DGKB: variants seen among roughly 807,000 people sequenced by gnomAD.
DGKB encodes the protein 90 kDa diacylglycerol kinase.
Under a neutral mutation model 114.3 loss-of-function variants are expected in DGKB, and 67 were observed. That is an observed-to-expected ratio of 0.59 (90% CI 0.48 to 0.72). DGKB has a LOEUF of 0.72. Among genes scored for constraint, DGKB ranks in the 30% least tolerant of loss-of-function variants. The probability of loss-of-function intolerance (pLI) is 0.00; values close to 1 mark genes in which losing one functional copy is unlikely to be tolerated. For missense variants in DGKB, 907 were observed against 975.2 expected (o/e 0.93, Z 0.93); for synonymous variants, 398 against 323.1 (o/e 1.23, Z -2.49).
At chr7:14,740,642 A>G (rs992482692) in intron 4 of DGKB, among the ~76,000 whole-genome samples, 2 of 152,166 alleles carry the variant, frequency 1.3e-5, no homozygotes, top group Non-Finnish European at 2.9e-5. Context: ...ACAGATGAGC[A>G]TGACTAATTC....
chr7:14,845,498 C>G (rs1002233626), intron 1 of DGKB, among the ~76,000 whole-genome samples: 2 of 152,110 alleles, frequency 1.3e-5, no homozygotes, highest in African/African-American at 4.8e-5. Context: ...TTCATCCAAC[C>G]TATATATTAG....
In DGKB at chr7:14,922,375, C is replaced by CGTGTGTGTGTGTGTAT. The variant is rs1027562736; in HGVS notation, c.-188+52320_-188+52321insATACACACACACACAC. The stretch of plus-strand genomic sequence containing the variant: ...TGTCTACATATATATGTGTATCCAT[C>CGTGTGTGTGTGTGTAT]GTGTGTGTGTGTGTGTGTGTGTGTG... On this transcript the variant is annotated intron_variant, in intron 1 of 4. Coordinates refer to the DGKB transcript ENST00000437998. Among the ~76,000 whole-genome samples the CGTGTGTGTGTGTGTAT allele has an allele frequency of 1.5e-3, 180 of 118,278 alleles. 3 individuals are homozygous for CGTGTGTGTGTGTGTAT. Among genetic ancestry groups the CGTGTGTGTGTGTGTAT allele is most frequent in the African/African-American group, 6.8e-3 (178 of 26,326 alleles). 77.6% of individuals were successfully genotyped at this position (118,278 alleles called of 152,430 possible).
chr7:14,526,727 G>A (rs983578121), intron 20 of DGKB, among the ~76,000 whole-genome samples: 7 of 152,116 alleles, frequency 4.6e-5, no homozygotes, highest in Non-Finnish European at 8.8e-5. Context: ...TCATCAGACT[G>A]ATTTTGATCT....
At chr7:14,924,983 T>C (rs1431405751) in intron 1 of DGKB, among the ~76,000 whole-genome samples, 1 of 152,194 alleles carries the variant, frequency 6.6e-6, no homozygotes, top group Non-Finnish European at 1.5e-5. Flanking sequence ...ATTTCTCAAA[T>C]GTTGTCTTTT....
At chr7:14,819,209 A>G (rs531147576) in intron 2 of DGKB, among the ~76,000 whole-genome samples, 10 of 152,274 alleles carry the variant, frequency 6.6e-5, no homozygotes, top group African/African-American at 1.9e-4. Context: ...GATAATTGGG[A>G]CATAGGGTCC....
At chr7:14,365,788 T>C (rs1367224940) in intron 21 of DGKB, among the ~76,000 whole-genome samples, 1 of 152,098 alleles carries the variant, frequency 6.6e-6, no homozygotes, top group Non-Finnish European at 1.5e-5. Context: ...TAAAAAAATA[T>C]AATTAGCACA....
chr7:14,830,150 T>C (rs371577653), intron 2 of DGKB, among the ~76,000 whole-genome samples: 1 of 151,792 alleles, frequency 6.6e-6, no homozygotes, highest in African/African-American at 2.4e-5. Context: ...CAGTACTTTT[T>C]AAAAAAAATT....
chr7:14,872,238 C>A (rs927915715), intron 1 of DGKB, among the ~76,000 whole-genome samples: 2 of 152,150 alleles, frequency 1.3e-5, no homozygotes, highest in Admixed American at 6.5e-5. Flanking sequence ...AATGTTATTT[C>A]TAAATAAGAG....
At chr7:14,529,494 A>G (rs111834506) in intron 20 of DGKB, among the ~76,000 whole-genome samples, 369 of 151,944 alleles carry the variant, frequency 2.4e-3, no homozygotes, top group African/African-American at 8.3e-3. Flanking sequence ...TCATGAAGTA[A>G]TTATAATAAT....
intron 1 of DGKB, among the ~76,000 whole-genome samples, chr7:14,886,731 C>T (rs1855120639): frequency 6.6e-6 from 1 of 151,878 alleles, no homozygotes; most frequent in Admixed American, 6.6e-5. Flanking sequence ...ATCTGGCCCA[C>T]CTGCAGTTCA....
At chr7:14,770,299 G>GGGTT (rs1362416700) in intron 2 of DGKB, among the ~76,000 whole-genome samples, 1 of 151,982 alleles carries the variant, frequency 6.6e-6, no homozygotes, top group African/African-American at 2.4e-5. Context: ...GTCAAGAATC[G>GGGTT]GGTTGCAAGG....
At chr7:14,247,677 A>G (rs944166042) in intron 23 of DGKB, among the ~76,000 whole-genome samples, 1 of 151,716 alleles carries the variant, frequency 6.6e-6, no homozygotes, top group African/African-American at 2.4e-5. Flanking sequence ...AGGTCTTTGC[A>G]AATTTTTTAA....
At chr7:14,636,081 A>G (rs17168320) in intron 13 of DGKB, among the ~76,000 whole-genome samples, 12,012 of 151,732 alleles carry the variant, frequency 0.079, 1,038 homozygotes, top group East Asian at 0.49. Context: ...TTAAATATCC[A>G]TTGATCTCAT....
intron 20 of DGKB, among the ~76,000 whole-genome samples, chr7:14,523,745 A>G (rs1260884293): frequency 1.3e-5 from 2 of 152,308 alleles, no homozygotes; most frequent in African/African-American, 4.8e-5. Context: ...TTGCTGCTGA[A>G]TATGTTTCAT....
intron 5 of DGKB, among the ~76,000 whole-genome samples, chr7:14,721,447 A>G (rs1472622535): frequency 1.3e-5 from 2 of 152,176 alleles, no homozygotes; most frequent in East Asian, 3.8e-4. Flanking sequence ...AAAATGAGTA[A>G]TATTTTCCAT....
intron 12 of DGKB, among the ~76,000 whole-genome samples, chr7:14,680,484 C>T (rs1415471062): frequency 1.3e-5 from 2 of 151,750 alleles, no homozygotes; most frequent in East Asian, 1.9e-4. Context: ...AGGATCAAGA[C>T]CAAAGAAAAA....
At chr7:14,787,439 A>C (rs1216495968) in intron 2 of DGKB, among the ~76,000 whole-genome samples, 1 of 152,304 alleles carries the variant, frequency 6.6e-6, no homozygotes, top group East Asian at 1.9e-4. Context: ...TAATTCCATA[A>C]GTTAGCTGAG....
intron 20 of DGKB, among the ~76,000 whole-genome samples, chr7:14,489,686 G>A (rs1219601779): frequency 2.0e-5 from 3 of 152,130 alleles, no homozygotes; most frequent in African/African-American, 7.2e-5. Context: ...AAACTGAAGT[G>A]GGGAATGACC....
At chr7:14,179,558 T>A (rs2128248054) in intron 23 of DGKB, among the ~76,000 whole-genome samples, 1 of 152,262 alleles carries the variant, frequency 6.6e-6, no homozygotes, top group South Asian at 2.1e-4. Flanking sequence ...CAGAAAGTGC[T>A]CACTCCTCAC....
Sources: allele counts gnomAD v4.1 joint callset (sites outside exome capture counted in the v4.1 genomes callset), GRCh38; gene constraint gnomAD v4.1.1; transcripts MANE v1.5; gene names NCBI Gene and HGNC (gene_info 2026-07-23, HGNC 2026-07-21).